IPO9: variants seen among roughly 807,000 people sequenced by gnomAD.
IPO9 encodes the protein importin-9.
In IPO9, 28 loss-of-function variants were observed where a neutral mutation model predicts 128.6. The observed-to-expected ratio is 0.22, with a 90% CI of 0.16 to 0.30. The LOEUF is 0.30. Ranked by LOEUF, IPO9 falls within the 10% of genes least tolerant of loss-of-function variation. The probability of loss-of-function intolerance (pLI) is 1.00; values close to 1 mark genes in which losing one functional copy is unlikely to be tolerated. For synonymous variants in IPO9, 455 were observed against 475.8 expected, an observed-to-expected ratio of 0.96 and a Z score of 0.57; for missense variants, 935 against 1,293.9, an observed-to-expected ratio of 0.72 and a Z score of 4.26.
rs1015457097 is a variant in IPO9 at position 201,879,803 on chromosome 1, C to G, written c.*3749C>G. ...CCTGTAATCCCAACACTTTGGGAGG[C>G]CTAGGTGGGTAAATCAGCTGAGATC... is the stretch of plus-strand genomic sequence containing the variant. On this transcript the variant is annotated 3_prime_UTR_variant, in exon 24 of 24. Coordinates refer to ENST00000361565, the MANE Select transcript of IPO9 (RefSeq NM_018085.5). The G allele has an allele frequency of 2.0e-5, 3 of 152,056 alleles. No individual in the cohort carries two copies. The highest frequency in any genetic ancestry group is 2.0e-4 in the Admixed American group (3 of 15,260). 9.4% of individuals were successfully genotyped at this position (152,056 alleles called of 1,614,324 possible).
chr1:201,865,331 C>T (rs1204756293), intron 14 of IPO9, among the ~76,000 whole-genome samples: 1 of 151,930 alleles, frequency 6.6e-6, no homozygotes, highest in African/African-American at 2.4e-5. Flanking sequence ...GCTTCAGCCT[C>T]CCCAGCAGCT....
Position 201,868,760 on chromosome 1 carries a change from G to A in IPO9, c.1968G>A (p.Gln656=), listed in dbSNP as rs1680599181. 6.2e-7 allele frequency: 1 copy of A among 1,613,764 alleles called. No individual in the cohort carries two copies. The highest frequency in any genetic ancestry group is 8.5e-7 in the Non-Finnish European group (1 of 1,179,856). Residue 656 remains glutamine (Q), a synonymous_variant, in exon 16 of 24, where the codon CAG becomes CAA. Transcript: ENST00000361565. The part of the protein sequence containing the change: ...RLIPTLVSIM[Q]APADKIPAGL... ...TTCCCACTCTGGTCAGCATAATGCA[G>A]GCCCCAGCAGACAAGATTCCTGCAG...
At chr1:201,859,180 AATATATATATATATATAT>A (rs148348918) in intron 13 of IPO9, among the ~76,000 whole-genome samples, 186 bp downstream of exon 13, 1,282 of 83,452 alleles carry the variant, frequency 0.015, 70 homozygotes, top group African/African-American at 0.05. Context: ...CTCAAAGTAT[AATATATATATATATATAT>A]ATATATATAA....
chr1:201,861,153 G>A (rs145482413), intron 13 of IPO9, among the ~76,000 whole-genome samples: 5,607 of 152,194 alleles, frequency 0.037, 152 homozygotes, highest in Non-Finnish European at 0.05. Context: ...GCAACAGAGC[G>A]AGACTCTGTC....
chr1:201,829,900 G>A (rs1009410129), intron 1 of IPO9, among the ~76,000 whole-genome samples: 11 of 152,172 alleles, frequency 7.2e-5, no homozygotes, highest in Non-Finnish European at 1.5e-5. Context: ...TACTCTTCGT[G>A]TTTTCCCAGA....
chr1:201,855,073 G>T, intron 8 of IPO9, 51 bp from the exon 9 acceptor site: 1 of 1,353,542 alleles, frequency 7.4e-7, no homozygotes, highest in Non-Finnish European at 1.0e-6. Flanking sequence ...TTTCCATGTA[G>T]ATTATATGTA....
At chr1:201,841,178 C>T (rs1173022927) in intron 1 of IPO9, among the ~76,000 whole-genome samples, 1 of 151,860 alleles carries the variant, frequency 6.6e-6, no homozygotes, top group East Asian at 1.9e-4. Context: ...AAGAACTAAC[C>T]TAAGTAACTT....
chr1:201,833,287 G>A (rs958939438), intron 1 of IPO9, among the ~76,000 whole-genome samples: 1 of 150,984 alleles, frequency 6.6e-6, no homozygotes, highest in Non-Finnish European at 1.5e-5. Flanking sequence ...CACCCAGGCT[G>A]GAGTGCATTG....
In IPO9 at chr1:201,880,876, CTT is replaced by C. The variant is rs1430475069; in HGVS notation, c.*4824_*4825del. 2.0e-5 allele frequency: 3 copies of C among 152,232 alleles called. No homozygotes were observed. Among genetic ancestry groups the C allele is most frequent in the Non-Finnish European group, 4.4e-5 (3 of 68,044 alleles). 9.4% of individuals were successfully genotyped at this position (152,232 alleles called of 1,614,324 possible). A position where few individuals can be genotyped will look rare whatever the true frequency, so the allele number is the denominator to read the frequency against. ...AATAAATTACATGAGACATTCAACACTTTATTATAAAATAGGCTTTGTGTTAG... is the reference window on the plus strand; with the variant it reads ...AATAAATTACATGAGACATTCAACACTATTATAAAATAGGCTTTGTGTTAG... On this transcript the variant is annotated 3_prime_UTR_variant, in exon 24 of 24. Coordinates refer to ENST00000361565, the MANE Select transcript of IPO9 (RefSeq NM_018085.5).
chr1:201,833,842 G>A (rs1441226146), intron 1 of IPO9, among the ~76,000 whole-genome samples: 8 of 152,076 alleles, frequency 5.3e-5, no homozygotes, highest in African/African-American at 1.9e-4. Flanking sequence ...CTAGAGTGCA[G>A]TGGTGTGATC....
chr1:201,869,593 G>T lies in IPO9; in HGVS notation c.2008G>T (p.Ala670Ser). 1 of 1,614,010 alleles carries T rather than the reference G, an allele frequency of 6.2e-7. No homozygotes were observed. Among genetic ancestry groups the T allele is most frequent in the Non-Finnish European group, 8.5e-7 (1 of 1,179,960 alleles). ...DKIPAGLCAT[A>S]IDILTTVVRN... Reference sequence around the variant, plus strand: ...TTCTTTTTCTTCTCTCTTTCAGACAGCCATTGATATCCTGACAACAGTAGT... The same window carrying T: ...TTCTTTTTCTTCTCTCTTTCAGACATCCATTGATATCCTGACAACAGTAGT... The change falls in exon 17 of 24, where the codon GCC becomes TCC. Residue 670 changes from alanine (A) to serine (S), a missense_variant. By Grantham distance (99) the Ala-to-Ser change is moderately conservative. Around this residue, in one of 3 missense-constraint regions of IPO9, gnomAD observed 741 missense variants for 1,019.1 expected, o/e 0.73. Transcript: ENST00000361565.
chr1:201,868,935 A>G, intron 16 of IPO9, 139 bp downstream of exon 16: 1 of 1,287,558 alleles, frequency 7.8e-7, no homozygotes, highest in Non-Finnish European at 1.0e-6. Context: ...CTGCAAGGAC[A>G]GTGGGTGATT....
At chr1:201,839,560 CAAA>C (rs4025036) in intron 1 of IPO9, among the ~76,000 whole-genome samples, 1 of 33,952 alleles carries the variant, frequency 2.9e-5, no homozygotes. Context: ...GACTCCATCT[CAAA>C]AAAAAAAAAA....
intron 19 of IPO9, 91 bp from the exon 20 acceptor site, chr1:201,872,737 A>C (rs1320062556): frequency 7.1e-7 from 1 of 1,404,282 alleles, no homozygotes; most frequent in African/African-American, 1.4e-5. Flanking sequence ...TTCACTATCA[A>C]ATAGAGGGTC....
In IPO9 at chr1:201,878,388, G is replaced by A. The variant is rs921270417; in HGVS notation, c.*2334G>A. On this transcript the variant is annotated 3_prime_UTR_variant, in exon 24 of 24. Transcript: ENST00000361565. ...GCATTGAACTGCTGAGCTTGGGAAG[G>A]CTTAAGGCTCCCACACACAGACTGA... 2.0e-5 allele frequency: 3 copies of A among 152,658 alleles called. No individual in the cohort carries two copies. Among genetic ancestry groups the A allele is most frequent in the African/African-American group, 7.2e-5 (3 of 41,458 alleles). 9.5% of individuals were successfully genotyped at this position (152,658 alleles called of 1,614,324 possible).
At chr1:201,847,784 A>G (rs530897929) in intron 3 of IPO9, 146 bp downstream of exon 3, 20 of 643,426 alleles carry the variant, frequency 3.1e-5, no homozygotes, top group African/African-American at 2.0e-4. Context: ...GCATAGGGCT[A>G]TACATTAAAG....
chr1:201,839,022 C>T (rs572233994), intron 1 of IPO9, among the ~76,000 whole-genome samples: 252 of 147,858 alleles, frequency 1.7e-3, no homozygotes, highest in Non-Finnish European at 2.8e-3. Flanking sequence ...TGGATTCAAG[C>T]GATTCTCCTG....
rs1250795866 is a variant in IPO9 at position 201,876,330 on chromosome 1, G to GAGCC, written c.*277_*280dup. ...GACTCTACCCCCACCTCTGTTCCTA[G>GAGCC]AGCCCTCTGCTGGCGAGTCCAGAAA... On this transcript the variant is annotated 3_prime_UTR_variant, in exon 24 of 24. Coordinates refer to ENST00000361565, the MANE Select transcript of IPO9 (RefSeq NM_018085.5). 7 of 549,746 alleles carry GAGCC rather than the reference G, an allele frequency of 1.3e-5. No homozygotes were observed. Among genetic ancestry groups the GAGCC allele is most frequent in the African/African-American group, 3.8e-5 (2 of 53,084 alleles). The allele number at this position is 549,746 out of a possible 1,614,324, so 34.1% of individuals were successfully genotyped here.
chr1:201,847,953 C>G (rs1274333513), intron 3 of IPO9, among the ~76,000 whole-genome samples: 1 of 152,132 alleles, frequency 6.6e-6, no homozygotes, highest in African/African-American at 2.4e-5. Context: ...AATGAAATAA[C>G]ATTTGTACTT....
Sources: gnomAD v4.1 joint callset for allele counts (sites outside exome capture counted in the v4.1 genomes callset) on GRCh38, gnomAD v4.1.1 for gene constraint, gnomAD v4.1.1 regional missense constraint, MANE v1.5 for transcripts, NCBI Gene and HGNC (gene_info 2026-07-23, HGNC 2026-07-21) for gene names.